Variants in SETD5 observed in about 807,000 individuals in gnomAD.
The protein encoded by SETD5 is SET domain containing 5.
A neutral mutation model predicts 153.3 loss-of-function variants in SETD5; 44 were observed. That is an observed-to-expected ratio of 0.29 (90% CI 0.23 to 0.37). SETD5 has a LOEUF of 0.37. SETD5 is among the 10% of genes least tolerant of loss of function. SETD5 has a pLI of 1.00. For synonymous variants in SETD5, 716 were observed against 645.2 expected (o/e 1.11, Z -1.66); for missense variants, 1,544 against 1,768.0 (o/e 0.87, Z 2.27).
intron 1 of SETD5, among the ~76,000 whole-genome samples, chr3:9,417,898 CATATT>C (rs2037760395): frequency 6.7e-6 from 1 of 150,092 alleles, no homozygotes; most frequent in Non-Finnish European, 1.5e-5. Context: ...AATGAAGCAT[CATATT>C]TTAAACTTCT....
intron 9 of SETD5, 61 bp from the exon 10 acceptor site, chr3:9,442,067 A>G: frequency 9.2e-7 from 1 of 1,083,976 alleles, no homozygotes; most frequent in Non-Finnish European, 1.4e-6. Flanking sequence ...TCATATTTGG[A>G]GTCATGGGGT....
intron 1 of SETD5, among the ~76,000 whole-genome samples, chr3:9,403,070 G>A (rs1404538422): frequency 6.6e-6 from 1 of 152,104 alleles, no homozygotes; most frequent in Non-Finnish European, 1.5e-5. Flanking sequence ...GTGGGGGAGG[G>A]GCAGGAGGTA....
chr3:9,439,494 T>C (rs1450946807), intron 7 of SETD5, among the ~76,000 whole-genome samples: 2 of 152,228 alleles, frequency 1.3e-5, no homozygotes, highest in African/African-American at 4.8e-5. Flanking sequence ...TTCAAGTAGC[T>C]TTGGTACTAC....
intron 17 of SETD5, 131 bp from the exon 18 acceptor site, chr3:9,464,294 G>C (rs1395846183): frequency 9.6e-6 from 12 of 1,255,426 alleles, no homozygotes; most frequent in Non-Finnish European, 1.3e-5. Flanking sequence ...GGTTGGATTG[G>C]AGGAGATAAC....
chr3:9,440,315 A>G, intron 7 of SETD5, 141 bp from the exon 8 acceptor site: 1 of 604,468 alleles, frequency 1.7e-6, no homozygotes. Context: ...AGATCCTCTG[A>G]CTCCCAGTCC....
At chr3:9,426,692 G>A (rs982647943) in intron 2 of SETD5, among the ~76,000 whole-genome samples, 6 of 151,350 alleles carry the variant, frequency 4.0e-5, no homozygotes, top group Middle Eastern at 3.2e-3. Context: ...CGCGCCTGGC[G>A]CACACCAGGT....
chr3:9,419,660 T>G (rs2038081197), intron 1 of SETD5, among the ~76,000 whole-genome samples: 1 of 152,258 alleles, frequency 6.6e-6, no homozygotes, highest in South Asian at 2.1e-4. Flanking sequence ...ATCTTAATTT[T>G]CTTTCCTCTG....
In SETD5 at chr3:9,476,365, G is replaced by A. The variant is rs573794988; in HGVS notation, c.*274G>A. 1.9e-5 allele frequency: 8 copies of A among 414,028 alleles called. No individual in the cohort carries two copies. Among genetic ancestry groups the A allele is most frequent in the Admixed American group, 3.7e-5 (1 of 27,036 alleles). 25.6% of individuals were successfully genotyped at this position (414,028 alleles called of 1,614,324 possible). On this transcript the variant is annotated 3_prime_UTR_variant, in exon 23 of 23. Coordinates refer to ENST00000402198, the MANE Select transcript of SETD5 (RefSeq NM_001080517.3). ...AGCAAATGGTGTTTCGGTTAGTAAC[G>A]GTTCTAAGTGCAATGAGTTGTGTTG...
At chr3:9,412,102 A>C (rs1003038641) in intron 1 of SETD5, among the ~76,000 whole-genome samples, 4 of 152,006 alleles carry the variant, frequency 2.6e-5, no homozygotes, top group Non-Finnish European at 5.9e-5. Context: ...TTTGTTTAAC[A>C]CTAGAATTTT....
intron 3 of SETD5, among the ~76,000 whole-genome samples, chr3:9,429,492 C>T (rs1233027421): frequency 1.3e-5 from 2 of 152,046 alleles, no homozygotes; most frequent in Admixed American, 1.3e-4. Context: ...TGGAGAACAG[C>T]GTCATCTGTT....
intron 1 of SETD5, among the ~76,000 whole-genome samples, chr3:9,403,661 C>T (rs2035191977): frequency 6.6e-6 from 1 of 152,190 alleles, no homozygotes. Context: ...CCTCCCCCAC[C>T]TTTTAGTTTA....
At chr3:9,445,564 A>G in intron 12 of SETD5, 93 bp from the exon 13 acceptor site, 4 of 1,135,254 alleles carry the variant, frequency 3.5e-6, no homozygotes, top group Non-Finnish European at 5.2e-6. Flanking sequence ...AAAGCACTAG[A>G]GATTGTTATA....
chr3:9,441,950 A>G (rs1217477274), intron 9 of SETD5, among the ~76,000 whole-genome samples, 178 bp from the exon 10 acceptor site: 1 of 152,262 alleles, frequency 6.6e-6, no homozygotes. Context: ...TTCCAAGCCA[A>G]GCATTCCTTG....
In SETD5 at chr3:9,397,681, C is replaced by CGCTGCT; in HGVS notation, c.-471_-470insTGCTGC. On this transcript the variant is annotated 5_prime_UTR_variant, in exon 1 of 23. Coordinates refer to ENST00000402198, the MANE Select transcript of SETD5 (RefSeq NM_001080517.3). ...CCGCCGCCGCCGCCGCCGCCGCCGCCGCCGCTGCCGGGGGAGGGGCGGCCG... is the reference window on the plus strand; with the variant it reads ...CCGCCGCCGCCGCCGCCGCCGCCGCCGCTGCTGCCGCTGCCGGGGGAGGGGCGGCCG... 1 of 178,702 alleles carries CGCTGCT rather than the reference C, an allele frequency of 5.6e-6. No individual in the cohort carries two copies. Among genetic ancestry groups the CGCTGCT allele is most frequent in the East Asian group, 1.6e-4 (1 of 6,170 alleles). 11.1% of individuals were successfully genotyped at this position (178,702 alleles called of 1,614,324 possible).
rs1473783733 is a variant in SETD5 at position 9,470,695 on chromosome 3, C to T, written c.2961C>T (p.Tyr987=). 2 of 1,614,018 alleles carry T rather than the reference C, an allele frequency of 1.2e-6. No individual in the cohort carries two copies. The highest frequency in any genetic ancestry group is 1.7e-6 in the Non-Finnish European group (2 of 1,179,882). ...FRTEFNLMYA[Y]SPLNAMPRAD... is the part of the protein sequence containing the mutation. ...CAGAGTTCAACTTGATGTATGCCTA[C>T]TCCCCTTTGAATGCTATGCCTCGAG... The change falls in exon 19 of 23, where the codon TAC becomes TAT. Residue 987 remains tyrosine (Y), a synonymous_variant. Transcript: ENST00000402198.
chr3:9,458,972 A>G (rs2043591172), intron 17 of SETD5, among the ~76,000 whole-genome samples: 1 of 152,204 alleles, frequency 6.6e-6, no homozygotes, highest in African/African-American at 2.4e-5. Flanking sequence ...TGCAATCAAC[A>G]CATTTTTGCC....
intron 19 of SETD5, among the ~76,000 whole-genome samples, chr3:9,472,384 A>C (rs1183301885): frequency 6.6e-6 from 1 of 150,742 alleles, no homozygotes; most frequent in Non-Finnish European, 1.5e-5. Flanking sequence ...AACAACAAAG[A>C]GAAGGTGTAC....
At chr3:9,465,722 G>A (rs929817888) in intron 18 of SETD5, among the ~76,000 whole-genome samples, 2 of 152,106 alleles carry the variant, frequency 1.3e-5, no homozygotes, top group African/African-American at 2.4e-5. Flanking sequence ...ACCTCTTTCT[G>A]GGTGAGGGAA....
chr3:9,434,833 C>T lies in SETD5; in HGVS notation c.339C>T (p.Ser113=). The change falls in exon 6 of 23, where the codon AGC becomes AGT. Residue 113 remains serine (S), a synonymous_variant. Transcript: ENST00000402198. The surrounding 1 kb of genome is among the most constrained non-coding windows in gnomAD (Gnocchi z 5.6). ...TATTTTCCCTCTTTAGGGGAATGAGCAGGGGGAAGGTTATTAGACTTCATC... is the reference window on the plus strand; with the variant it reads ...TATTTTCCCTCTTTAGGGGAATGAGTAGGGGGAAGGTTATTAGACTTCATC... ...LLNCDKCRGM[S]RGKVIRLHRR... 1 of 1,613,124 alleles carries T rather than the reference C, an allele frequency of 6.2e-7. No homozygotes were observed. Among genetic ancestry groups the T allele is most frequent in the Non-Finnish European group, 8.5e-7 (1 of 1,179,618 alleles).
Sources: gnomAD v4.1 joint callset for allele counts (sites outside exome capture counted in the v4.1 genomes callset) on GRCh38, gnomAD v4.1.1 for gene constraint, Gnocchi (gnomAD v3.1) non-coding constraint, MANE v1.5 for transcripts, NCBI Gene and HGNC (gene_info 2026-07-23, HGNC 2026-07-21) for gene names.